Variants in SUPT5H observed in about 807,000 individuals in gnomAD.
SUPT5H encodes transcription elongation factor SPT5.
SUPT5H carries 24 observed loss-of-function variants against 142.5 expected under a neutral mutation model. The ratio of observed to expected loss-of-function variants is 0.17; its 90% CI spans 0.12 to 0.24. The LOEUF (loss-of-function observed/expected upper bound fraction) is 0.24. SUPT5H is among the 10% of genes least tolerant of loss of function. The pLI, the probability that SUPT5H is intolerant of heterozygous loss-of-function variation, is 1.00. For missense variants in SUPT5H, 893 were observed against 1,471.8 expected (o/e 0.61, Z 6.43); for synonymous variants, 546 against 553.0 (o/e 0.99, Z 0.18).
intron 3 of SUPT5H, among the ~76,000 whole-genome samples, chr19:39,455,453 T>C (rs994644558): frequency 1.3e-5 from 2 of 151,526 alleles, no homozygotes; most frequent in African/African-American, 4.9e-5. Flanking sequence ...TCCCAGCTAC[T>C]TGGGAGGCTG....
intron 20 of SUPT5H, 91 bp downstream of exon 20, chr19:39,471,821 G>T (rs2079325506): frequency 6.7e-7 from 1 of 1,503,336 alleles, no homozygotes; most frequent in Non-Finnish European, 8.9e-7. Context: ...GATTGGGCTT[G>T]TGAGGGATTA....
At position 39,464,784 on chromosome 19, in the gene SUPT5H, G is replaced by C; in HGVS notation, c.625-14G>C. 1.3e-6 allele frequency: 2 copies of C among 1,586,752 alleles called. No individual in the cohort carries two copies. The highest frequency in any genetic ancestry group is 2.2e-5 in the South Asian group (2 of 89,016). On this transcript the variant is annotated splice_polypyrimidine_tract_variant and intron_variant, in intron 10 of 29. Transcript: ENST00000432763. ...TGTCTCACTGTTTCCTCCTTCCACC[G>C]GCTCACCCTGCAGCCCCTGCAGATC... is the stretch of plus-strand genomic sequence containing the variant.
At chr19:39,451,397 T>C (rs1329834882) in intron 2 of SUPT5H, among the ~76,000 whole-genome samples, 2 of 151,862 alleles carry the variant, frequency 1.3e-5, no homozygotes, top group African/African-American at 4.8e-5. Flanking sequence ...GGTTTCACTA[T>C]GTTGGCCAGG....
Position 39,471,599 on chromosome 19 carries a change from G to T in SUPT5H, c.1825-6G>T, listed in dbSNP as rs1349012489. On this transcript the variant is annotated splice_polypyrimidine_tract_variant and splice_region_variant and intron_variant, in intron 19 of 29. Coordinates refer to ENST00000432763, the MANE Select transcript of SUPT5H (RefSeq NM_001111020.3). The stretch of plus-strand genomic sequence containing the variant: ...TCAAGAGAGTGACCCTTCTCTCCCC[G>T]GCTAGGGCCGAGAAGGGGAGATTCG... 2 of 1,614,146 alleles carry T rather than the reference G, an allele frequency of 1.2e-6. No individual in the cohort carries two copies. Among genetic ancestry groups the T allele is most frequent in the Non-Finnish European group, 1.7e-6 (2 of 1,180,028 alleles).
At position 39,466,205 on chromosome 19, in the gene SUPT5H, G is replaced by A. The variant is rs913024169; in HGVS notation, c.877-275G>A. Among the ~76,000 whole-genome samples, 2 of 152,080 alleles carry A rather than the reference G, an allele frequency of 1.3e-5. No individual in the cohort carries two copies. The highest frequency in any genetic ancestry group is 2.1e-4 in the South Asian group (1 of 4,824). ...CAGAGGGAAGAATGGAGTGGGAGGC[G>A]GCAGGTTTGGGGGAATCAGCGGTTT... On this transcript the variant is annotated intron_variant, in intron 11 of 29. Transcript: ENST00000432763. This position sits in a 1 kb window ranked among gnomAD's most constrained non-coding sequence, Gnocchi z 4.3.
At position 39,470,613 on chromosome 19, in the gene SUPT5H, G is replaced by A. The variant is rs1338817742; in HGVS notation, c.1677+90G>A. 7.8e-6 allele frequency: 11 copies of A among 1,414,298 alleles called. No homozygotes were observed. In the African/African-American group the frequency reaches 1.3e-4, roughly 17 times the overall value. The allele number at this position is 1,414,298 out of a possible 1,614,324, so 87.6% of individuals were successfully genotyped here. A position where few individuals can be genotyped will look rare whatever the true frequency, so the allele number is the denominator to read the frequency against. On this transcript the variant is annotated intron_variant, in intron 18 of 29. Transcript: ENST00000432763. This position sits in a 1 kb window ranked among gnomAD's most constrained non-coding sequence, Gnocchi z 5.8. ...ATCCTGGGAGGTGGCAGAGCCCCCA[G>A]ACTGCTCTGGGTTGCAGATCTGGCT...
rs1203880162 is a variant in SUPT5H at position 39,474,224 on chromosome 19, GTC to G, written c.2652-6_2652-5del. ...TCCAACAAATGCCCCCTTCTCTCCTGTCTCTGCAGGTACAACACAGACCAGTT... is the reference window on the plus strand; with the variant it reads ...TCCAACAAATGCCCCCTTCTCTCCTGTCTGCAGGTACAACACAGACCAGTT... On this transcript the variant is annotated splice_region_variant and splice_polypyrimidine_tract_variant and intron_variant, in intron 26 of 29. Coordinates refer to ENST00000432763, the MANE Select transcript of SUPT5H (RefSeq NM_001111020.3). The surrounding 1 kb of genome is among the most constrained non-coding windows in gnomAD (Gnocchi z 6.5). 6 of 1,613,734 alleles carry G rather than the reference GTC, an allele frequency of 3.7e-6. No homozygotes were observed. The highest frequency in any genetic ancestry group is 1.1e-5 in the South Asian group (1 of 91,076).
Position 39,458,625 on chromosome 19 carries a change from C to T in SUPT5H, c.320-193C>T. On this transcript the variant is annotated intron_variant, in intron 5 of 29. Transcript: ENST00000432763. This position sits in a 1 kb window ranked among gnomAD's most constrained non-coding sequence, Gnocchi z 4.2. ...GCCCCCCAACTTGCTGGGCCCCATC[C>T]CCAGTCTTTTTGACAAGAAGCAGGA... 1.4e-6 allele frequency: 1 copy of T among 712,410 alleles called. No individual in the cohort carries two copies. The highest frequency in any genetic ancestry group is 2.3e-6 in the Non-Finnish European group (1 of 437,124). The allele number at this position is 712,410 out of a possible 1,614,324, so 44.1% of individuals were successfully genotyped here.
At chr19:39,475,638 A>G (rs927804877) in intron 28 of SUPT5H, among the ~76,000 whole-genome samples, 1 of 152,068 alleles carries the variant, frequency 6.6e-6, no homozygotes, top group African/African-American at 2.4e-5. Flanking sequence ...GGGAAGAGGC[A>G]GGAGGCAGGT....
chr19:39,471,341 T>G lies in SUPT5H; in HGVS notation c.1678-16T>G, dbSNP rs370585545. 22 of 1,614,024 alleles carry G rather than the reference T, an allele frequency of 1.4e-5. No homozygotes were observed. In the African/African-American group the frequency reaches 2.4e-4, roughly 18 times the overall value. On this transcript the variant is annotated splice_polypyrimidine_tract_variant and intron_variant, in intron 18 of 29. Coordinates refer to ENST00000432763, the MANE Select transcript of SUPT5H (RefSeq NM_001111020.3). ...CCCATTCTCACCCCCACAGCCTCCC[T>G]GCTCTCCCTCTGTAGGTGCTGAACA...
At chr19:39,475,012 A>T in intron 28 of SUPT5H, 1 of 482,860 alleles carries the variant, frequency 2.1e-6, no homozygotes, top group Non-Finnish European at 3.8e-6. Context: ...AGGGAACTGC[A>T]TGTGCAGAGG....
At position 39,473,293 on chromosome 19, in the gene SUPT5H, A is replaced by G. The variant is rs778281382; in HGVS notation, c.2349A>G (p.Arg783=). The G allele has an allele frequency of 4.8e-5, 77 of 1,613,762 alleles. No individual in the cohort carries two copies. The highest frequency in any genetic ancestry group is 6.3e-5 in the Non-Finnish European group (74 of 1,179,986). The change falls in exon 24 of 30, where the codon CGA becomes CGG. Residue 783 remains arginine (R), a synonymous_variant. Transcript: ENST00000432763. This position sits in a 1 kb window ranked among gnomAD's most constrained non-coding sequence, Gnocchi z 5.8. ...SQTPMYGSGS[R]TPMYGSQTPL... is the part of the protein sequence containing the mutation. ...CGCCCATGTATGGCTCTGGCTCCCGAACACCCATGTACGGCTCACAGACAC... is the reference window on the plus strand; with the variant it reads ...CGCCCATGTATGGCTCTGGCTCCCGGACACCCATGTACGGCTCACAGACAC...
intron 10 of SUPT5H, among the ~76,000 whole-genome samples, chr19:39,462,573 C>T: frequency 6.6e-6 from 1 of 151,998 alleles, no homozygotes; most frequent in South Asian, 2.1e-4. Flanking sequence ...TCTTCTTGCC[C>T]AGGCTAGAAT....
chr19:39,463,625 A>G (rs1234404809), intron 10 of SUPT5H, among the ~76,000 whole-genome samples: 1 of 152,188 alleles, frequency 6.6e-6, no homozygotes, highest in Non-Finnish European at 1.5e-5. Flanking sequence ...TAATAAGTGG[A>G]AAGTGAAGAC....
At chr19:39,455,935 T>C (rs1228593039) in intron 3 of SUPT5H, among the ~76,000 whole-genome samples, 6 of 148,240 alleles carry the variant, frequency 4.0e-5, no homozygotes, top group East Asian at 2.0e-4. Context: ...CTTTTTTTTT[T>C]TTTTTTTTTT....
Position 39,466,427 on chromosome 19 carries a change from T to G in SUPT5H, c.877-53T>G. 1.3e-6 allele frequency: 2 copies of G among 1,511,670 alleles called. No individual in the cohort carries two copies. Among genetic ancestry groups the G allele is most frequent in the South Asian group, 1.1e-5 (1 of 88,752 alleles). The allele number at this position is 1,511,670 out of a possible 1,614,324, so 93.6% of individuals were successfully genotyped here. On this transcript the variant is annotated intron_variant, in intron 11 of 29. Transcript: ENST00000432763. The surrounding 1 kb of genome is among the most constrained non-coding windows in gnomAD (Gnocchi z 4.3). ...AGCATCTCCTGACCCTTCTTGTGTC[T>G]GGGGTCAGGGAGGAGAGTGGGGCCC...
In SUPT5H at chr19:39,474,790, G is replaced by T; in HGVS notation, c.3024+72G>T. On this transcript the variant is annotated intron_variant, in intron 28 of 29. Transcript: ENST00000432763. This position sits in a 1 kb window ranked among gnomAD's most constrained non-coding sequence, Gnocchi z 6.5. ...TACCCCCTAAACTGGAGACAGACCT[G>T]TCCCCAGATGGTGACAGCCCAGAGT... 6.7e-7 allele frequency: 1 copy of T among 1,493,816 alleles called. No homozygotes were observed. Among genetic ancestry groups the T allele is most frequent in the South Asian group, 1.2e-5 (1 of 80,144 alleles). The allele number at this position is 1,493,816 out of a possible 1,614,324, so 92.5% of individuals were successfully genotyped here.
intron 2 of SUPT5H, among the ~76,000 whole-genome samples, chr19:39,449,341 C>G (rs2078991528): frequency 6.6e-6 from 1 of 152,072 alleles, no homozygotes; most frequent in Non-Finnish European, 1.5e-5. Context: ...GAACTGATGA[C>G]AAGGTTCCTA....
At chr19:39,461,798 T>G (rs1185062756) in intron 10 of SUPT5H, among the ~76,000 whole-genome samples, 2 of 142,224 alleles carry the variant, frequency 1.4e-5, no homozygotes, top group Non-Finnish European at 3.0e-5. Flanking sequence ...CACTCCAGCC[T>G]GGGCAACAGA....
Sources: allele counts gnomAD v4.1 joint callset (sites outside exome capture counted in the v4.1 genomes callset), GRCh38; gene constraint gnomAD v4.1.1; non-coding constraint Gnocchi (gnomAD v3.1); transcripts MANE v1.5; gene names NCBI Gene and HGNC (gene_info 2026-07-23, HGNC 2026-07-21).